DNAI3: variants seen among roughly 807,000 people sequenced by gnomAD.
The protein encoded by DNAI3 is dynein axonemal intermediate chain 3.
Under a neutral mutation model 115.5 loss-of-function variants are expected in DNAI3, and 83 were observed. That is an observed-to-expected ratio of 0.72 (90% CI 0.60 to 0.86). The LOEUF is 0.86. Among genes scored for constraint, DNAI3 ranks in the 40% least tolerant of loss-of-function variants. The probability of loss-of-function intolerance (pLI) is 0.00; values close to 1 mark genes in which losing one functional copy is unlikely to be tolerated. For synonymous variants in DNAI3, 320 were observed against 347.0 expected (o/e 0.92, Z 0.86); for missense variants, 1,004 against 1,075.8 (o/e 0.93, Z 0.93).
chr1:85,063,298 A>G (rs1347708472), intron 1 of DNAI3, among the ~76,000 whole-genome samples: 1 of 146,686 alleles, frequency 6.8e-6, no homozygotes, highest in Admixed American at 6.8e-5. Context: ...TGAAGCAAGC[A>G]GAGAGATGCC....
intron 16 of DNAI3, among the ~76,000 whole-genome samples, chr1:85,115,727 C>A (rs1655796623): frequency 6.6e-6 from 1 of 152,076 alleles, no homozygotes; most frequent in African/African-American, 2.4e-5. Context: ...GGGGGGCAGG[C>A]ATTAGATTCC....
Position 85,082,367 on chromosome 1 carries a change from T to C in DNAI3, c.353T>C (p.Leu118Pro). 1 of 1,613,928 alleles carries C rather than the reference T, an allele frequency of 6.2e-7. No homozygotes were observed. Among genetic ancestry groups the C allele is most frequent in the Admixed American group, 1.7e-5 (1 of 60,018 alleles). ...KDFKYGLNFY[L>P]IATEEGKENY... ...TTCAAATATGGACTTAACTTTTATC[T>C]TATTGCAACTGAAGAGGGCAAAGAA... Residue 118 changes from leucine (L) to proline (P), a missense_variant, in exon 5 of 23, where the codon CTT (leucine) becomes CCT (proline). Physicochemically the swap from Leu to Pro is moderately conservative, Grantham distance 98 (BLOSUM62 -3). Around this residue, in one of 3 missense-constraint regions of DNAI3, gnomAD observed 550 missense variants for 568.1 expected, o/e 0.97. Coordinates refer to ENST00000294664, the MANE Select transcript of DNAI3 (RefSeq NM_145172.5).
intron 6 of DNAI3, 28 bp downstream of exon 6, chr1:85,084,723 C>A (rs1013973145): frequency 1.4e-6 from 2 of 1,415,526 alleles, no homozygotes; most frequent in Admixed American, 2.5e-5. Flanking sequence ...GATCTGTAAT[C>A]ATTACCTCCC....
chr1:85,066,549 T>C (rs1654106560), intron 1 of DNAI3, among the ~76,000 whole-genome samples: 1 of 151,924 alleles, frequency 6.6e-6, no homozygotes, highest in South Asian at 2.1e-4. Flanking sequence ...AGGATGGTCT[T>C]GATCTCCTGA....
intron 18 of DNAI3, 122 bp from the exon 19 acceptor site, chr1:85,123,999 G>A (rs1238477129): frequency 8.0e-7 from 1 of 1,255,798 alleles, no homozygotes; most frequent in Non-Finnish European, 1.1e-6. Context: ...CTAGCCTCTG[G>A]TTCTCCACTC....
chr1:85,091,247 C>T (rs923287375), intron 8 of DNAI3, among the ~76,000 whole-genome samples: 1 of 152,144 alleles, frequency 6.6e-6, no homozygotes, highest in Non-Finnish European at 1.5e-5. Flanking sequence ...AGTTTGTTTA[C>T]ATATAATCAA....
At chr1:85,078,958 G>A (rs1007172092) in intron 3 of DNAI3, among the ~76,000 whole-genome samples, 28 of 152,212 alleles carry the variant, frequency 1.8e-4, no homozygotes, top group Admixed American at 1.8e-3. Context: ...TGTGTGTTTA[G>A]TAGGGGCAGA....
At chr1:85,062,607 A>G (rs555508111) in intron 1 of DNAI3, 121 bp downstream of exon 1, 41 of 152,352 alleles carry the variant, frequency 2.7e-4, no homozygotes, top group African/African-American at 9.4e-4. Context: ...TGAAGACTAC[A>G]AAAAACACAA....
chr1:85,132,165 C>A (rs979627088), intron 22 of DNAI3, among the ~76,000 whole-genome samples: 20 of 152,214 alleles, frequency 1.3e-4, no homozygotes, highest in African/African-American at 4.6e-4. Context: ...GCAACAGTAA[C>A]AACCTCAGAA....
At chr1:85,106,927 T>C (rs1655505642) in intron 14 of DNAI3, among the ~76,000 whole-genome samples, 1 of 152,218 alleles carries the variant, frequency 6.6e-6, no homozygotes, top group African/African-American at 2.4e-5. Context: ...AGAAAACTCT[T>C]AGAAGAAAAC....
intron 21 of DNAI3, among the ~76,000 whole-genome samples, chr1:85,129,271 T>A (rs1271543693): frequency 6.6e-6 from 1 of 152,146 alleles, no homozygotes; most frequent in Non-Finnish European, 1.5e-5. Flanking sequence ...TTTCAAACAA[T>A]GTTAATAATG....
intron 17 of DNAI3, among the ~76,000 whole-genome samples, chr1:85,119,851 C>A (rs1431685803): frequency 6.6e-6 from 1 of 152,172 alleles, no homozygotes; most frequent in African/African-American, 2.4e-5. Context: ...GCGTGTGCCA[C>A]CATGCCCAGC....
intron 16 of DNAI3, 143 bp downstream of exon 16, chr1:85,110,278 C>T (rs1655615195): frequency 4.8e-6 from 3 of 627,886 alleles, no homozygotes; most frequent in South Asian, 1.9e-5. Context: ...GGTGAAACCC[C>T]GTCTCTACTA....
At chr1:85,094,713 T>A (rs1032223778) in intron 10 of DNAI3, among the ~76,000 whole-genome samples, 158 bp downstream of exon 10, 1 of 152,250 alleles carries the variant, frequency 6.6e-6, no homozygotes, top group Admixed American at 6.5e-5. Context: ...ATCATTCAAT[T>A]TGAGCAAAAC....
chr1:85,112,649 A>C (rs1655692636), intron 16 of DNAI3, among the ~76,000 whole-genome samples: 1 of 152,216 alleles, frequency 6.6e-6, no homozygotes, highest in Non-Finnish European at 1.5e-5. Context: ...GTCGGATCTC[A>C]TTTACACTTA....
intron 16 of DNAI3, among the ~76,000 whole-genome samples, chr1:85,114,229 T>C (rs1374862826): frequency 1.3e-5 from 2 of 152,140 alleles, no homozygotes; most frequent in South Asian, 2.1e-4. Flanking sequence ...GCCAGGCTGG[T>C]CTCGAACTCT....
chr1:85,124,577 C>A (rs1656078081), intron 19 of DNAI3, among the ~76,000 whole-genome samples: 1 of 152,142 alleles, frequency 6.6e-6, no homozygotes, highest in South Asian at 2.1e-4. Context: ...GTGGTCCAGG[C>A]TGGAATGCAG....
chr1:85,082,454 G>A (rs536883740), intron 5 of DNAI3, 50 bp downstream of exon 5: 2 of 1,486,342 alleles, frequency 1.3e-6, no homozygotes, highest in African/African-American at 1.4e-5. Context: ...TTGTGGTTGT[G>A]GTTGTTTTTG....
At chr1:85,121,684 CAT>C in intron 17 of DNAI3, 65 bp from the exon 18 acceptor site, 1 of 1,418,910 alleles carries the variant, frequency 7.0e-7, no homozygotes, top group Non-Finnish European at 9.9e-7. Flanking sequence ...AATCTTAGCA[CAT>C]GAGTGTGAAG....
Sources: allele counts gnomAD v4.1 joint callset (sites outside exome capture counted in the v4.1 genomes callset), GRCh38; gene constraint gnomAD v4.1.1; regional missense constraint gnomAD v4.1.1; transcripts MANE v1.5; gene names NCBI Gene and HGNC (gene_info 2026-07-23, HGNC 2026-07-21).